ZNF248: variants seen among roughly 807,000 people sequenced by gnomAD.
The protein encoded by ZNF248 is zinc finger protein 248.
In ZNF248, 20 loss-of-function variants were observed where a neutral mutation model predicts 44.3. The ratio of observed to expected loss-of-function variants is 0.45; its 90% CI spans 0.32 to 0.66. The LOEUF (loss-of-function observed/expected upper bound fraction) is 0.66. Among genes scored for constraint, ZNF248 ranks in the 30% least tolerant of loss-of-function variants. The probability of loss-of-function intolerance (pLI) is 0.04; values close to 1 mark genes in which losing one functional copy is unlikely to be tolerated. For missense variants in ZNF248, 654 were observed against 677.0 expected (o/e 0.97, Z 0.38); for synonymous variants, 224 against 229.0 (o/e 0.98, Z 0.20).
chr10:37,819,333 AC>A, intron 6 of ZNF248: 1 of 1,111,314 alleles, frequency 9.0e-7, no homozygotes, highest in Non-Finnish European at 1.4e-6. Flanking sequence ...AAGTAATCAT[AC>A]AGCTTAATTA....
intron 3 of ZNF248, among the ~76,000 whole-genome samples, chr10:37,847,948 C>A (rs2059596812): frequency 6.6e-6 from 1 of 152,166 alleles, no homozygotes; most frequent in South Asian, 2.1e-4. Context: ...AGATATTTAT[C>A]TATCCTAACT....
the ZNF248 span, among the ~76,000 whole-genome samples, chr10:37,766,349 G>T: frequency 6.6e-6 from 1 of 152,206 alleles, no homozygotes; most frequent in East Asian, 1.9e-4. Flanking sequence ...CTAACTGGGA[G>T]GCACCCTCTA....
At chr10:37,819,989 T>A in intron 6 of ZNF248, 1 of 772,386 alleles carries the variant, frequency 1.3e-6, no homozygotes, top group Admixed American at 1.8e-5. Flanking sequence ...TGCATGCTCT[T>A]ATCTCTACAT....
In ZNF248 at chr10:37,832,251, G is replaced by T; in HGVS notation, c.1104C>A (p.Thr368=). The T allele has an allele frequency of 6.2e-7, 1 of 1,613,976 alleles. No individual in the cohort carries two copies. Among genetic ancestry groups the T allele is most frequent in the South Asian group, 1.1e-5 (1 of 91,070 alleles). ...CTCCTGTGTGAGCTCTCCGAAGCTGGGTAAGATGTGACTTCTTGCTGAAAT... is the reference window on the plus strand; with the variant it reads ...CTCCTGTGTGAGCTCTCCGAAGCTGTGTAAGATGTGACTTCTTGCTGAAAT... ...GSNFSKKSHL[T]QLRRAHTGEK... is the part of the protein sequence containing the mutation. Residue 368 remains threonine (T), a synonymous_variant, in exon 6 of 6, where the codon ACC becomes ACA. Coordinates refer to ENST00000395867, the MANE Select transcript of ZNF248 (RefSeq NM_021045.3).
intron 6 of ZNF248, among the ~76,000 whole-genome samples, chr10:37,804,928 C>T (rs2050350183): frequency 6.6e-6 from 1 of 151,982 alleles, no homozygotes; most frequent in African/African-American, 2.4e-5. Flanking sequence ...TGTATATCAG[C>T]TTATAAATTC....
intron 6 of ZNF248, among the ~76,000 whole-genome samples, chr10:37,823,737 CTAA>C (rs1475182712): frequency 1.3e-5 from 2 of 151,842 alleles, no homozygotes; most frequent in Non-Finnish European, 2.9e-5. Context: ...CCATGCCTGG[CTAA>C]TTTTTGTATT....
At chr10:37,843,540 G>A (rs1212066258) in intron 3 of ZNF248, among the ~76,000 whole-genome samples, 2 of 151,816 alleles carry the variant, frequency 1.3e-5, no homozygotes, top group African/African-American at 4.8e-5. Context: ...TAAAAACGTA[G>A]AAGGTATTCA....
chr10:37,816,100 T>A (rs1479737395), intron 6 of ZNF248, among the ~76,000 whole-genome samples: 1 of 151,920 alleles, frequency 6.6e-6, no homozygotes, highest in Admixed American at 6.6e-5. Context: ...AAAGAACTAT[T>A]TCACTTTCTC....
At chr10:37,819,535 A>G (rs1317908848) in intron 6 of ZNF248, 10 of 1,015,768 alleles carry the variant, frequency 9.8e-6, no homozygotes, top group East Asian at 2.4e-5. Context: ...GTAACAACAA[A>G]TATCTGTCAT....
the ZNF248 span, among the ~76,000 whole-genome samples, chr10:37,759,122 T>G: frequency 1.3e-5 from 2 of 152,170 alleles, no homozygotes; most frequent in African/African-American, 4.8e-5. Flanking sequence ...GATCCTCAAC[T>G]CCAACTCTCA....
intron 6 of ZNF248, chr10:37,819,653 A>G (rs2053135278): frequency 6.2e-6 from 5 of 802,734 alleles, no homozygotes; most frequent in Non-Finnish European, 1.1e-5. Context: ...CTCTGCCTGG[A>G]TCTCTGCTTC....
At chr10:37,820,697 ACTT>A (rs1564532151) in intron 6 of ZNF248, 1 of 1,365,120 alleles carries the variant, frequency 7.3e-7, no homozygotes, top group African/African-American at 1.4e-5. Context: ...GGGAGTCTCT[ACTT>A]CTTTATCACT....
downstream of ZNF248, chr10:37,776,389 G>A (rs1251853600): frequency 1.3e-5 from 5 of 384,636 alleles, no homozygotes; most frequent in African/African-American, 2.1e-5. Context: ...TGAGCAGGAG[G>A]AAGAATTACT....
chr10:37,795,494 C>T (rs1373950721), intron 6 of ZNF248: 2 of 151,728 alleles, frequency 1.3e-5, no homozygotes, highest in Non-Finnish European at 2.9e-5. Context: ...TTTTTTTCCC[C>T]CTCTCCCAAC....
At chr10:37,837,931 A>G in intron 4 of ZNF248, 54 bp downstream of exon 4, 1 of 1,589,054 alleles carries the variant, frequency 6.3e-7, no homozygotes, top group East Asian at 2.2e-5. Flanking sequence ...ACTACAGGGC[A>G]TCAACTAGTA....
intron 6 of ZNF248, among the ~76,000 whole-genome samples, chr10:37,818,342 C>T (rs1182681021): frequency 6.6e-6 from 1 of 152,160 alleles, no homozygotes; most frequent in African/African-American, 2.4e-5. Flanking sequence ...TTTCCTCACT[C>T]AGAGCAGCCA....
chr10:37,845,382 A>T (rs1213246417), intron 3 of ZNF248, among the ~76,000 whole-genome samples: 106 of 143,328 alleles, frequency 7.4e-4, no homozygotes, highest in African/African-American at 2.9e-3. Context: ...AATGGATTTA[A>T]AAAAAAAAAA....
chr10:37,838,533 G>A (rs1012368478), intron 3 of ZNF248, among the ~76,000 whole-genome samples: 1 of 152,078 alleles, frequency 6.6e-6, no homozygotes, highest in African/African-American at 2.4e-5. Context: ...TAAAATAATG[G>A]GATTGAAATG....
chr10:37,846,047 C>T (rs989096734), intron 3 of ZNF248, among the ~76,000 whole-genome samples: 2 of 152,204 alleles, frequency 1.3e-5, no homozygotes, highest in African/African-American at 4.8e-5. Flanking sequence ...GTAACTTCTG[C>T]TTTCCTGAAA....
Sources: gnomAD v4.1 joint callset for allele counts (sites outside exome capture counted in the v4.1 genomes callset) on GRCh38, gnomAD v4.1.1 for gene constraint, MANE v1.5 for transcripts, NCBI Gene and HGNC (gene_info 2026-07-23, HGNC 2026-07-21) for gene names.